CDH12: variants seen among roughly 807,000 people sequenced by gnomAD.
CDH12 encodes the protein cadherin 12.
CDH12 carries 41 observed loss-of-function variants against 74.1 expected under a neutral mutation model. The ratio of observed to expected loss-of-function variants is 0.55; its 90% CI spans 0.43 to 0.72. CDH12 has a LOEUF of 0.72. Ranked by LOEUF, CDH12 falls within the 30% of genes least tolerant of loss-of-function variation. The pLI, the probability that CDH12 is intolerant of heterozygous loss-of-function variation, is 0.00. For missense variants in CDH12, 945 were observed against 977.2 expected, an observed-to-expected ratio of 0.97 and a Z score of 0.44; for synonymous variants, 399 against 355.0, an observed-to-expected ratio of 1.12 and a Z score of -1.39.
At chr5:22,021,657 T>C (rs1171362886) in intron 5 of CDH12, among the ~76,000 whole-genome samples, 5 of 152,228 alleles carry the variant, frequency 3.3e-5, no homozygotes, top group African/African-American at 9.6e-5. Context: ...TTAAATACTT[T>C]ATTATAAAAT....
At chr5:22,406,105 C>T (rs926156198) in intron 2 of CDH12, among the ~76,000 whole-genome samples, 2 of 152,098 alleles carry the variant, frequency 1.3e-5, no homozygotes, top group African/African-American at 4.8e-5. Context: ...GGTACAGAAT[C>T]CACAGATACA....
chr5:22,189,191 T>C (rs1172696421), intron 4 of CDH12, among the ~76,000 whole-genome samples: 1 of 152,164 alleles, frequency 6.6e-6, no homozygotes, highest in Non-Finnish European at 1.5e-5. Context: ...TGTGGATTAA[T>C]AAAAACTTGA....
intron 1 of CDH12, among the ~76,000 whole-genome samples, chr5:22,562,657 A>G (rs1739108045): frequency 6.6e-6 from 1 of 151,898 alleles, no homozygotes; most frequent in African/African-American, 2.4e-5. Flanking sequence ...TACTTTATCA[A>G]CAGAAGGAAG....
At chr5:22,752,831 C>G (rs1468237346) in intron 1 of CDH12, among the ~76,000 whole-genome samples, 1 of 151,742 alleles carries the variant, frequency 6.6e-6, no homozygotes, top group Non-Finnish European at 1.5e-5. Context: ...GCCTCGGCCT[C>G]CCAAAGTGCT....
At chr5:22,134,083 T>TTTTG (rs1401966186) in intron 4 of CDH12, among the ~76,000 whole-genome samples, 3 of 152,088 alleles carry the variant, frequency 2.0e-5, no homozygotes, top group African/African-American at 7.2e-5. Context: ...TCAGATAATA[T>TTTTG]TTTGTTTCAT....
At chr5:22,489,412 G>A (rs1746763683) in intron 2 of CDH12, among the ~76,000 whole-genome samples, 1 of 151,688 alleles carries the variant, frequency 6.6e-6, no homozygotes, top group African/African-American at 2.4e-5. Context: ...ACACCAACCT[G>A]TAAATCTTAA....
At chr5:22,838,120 C>T (rs1736914751) in intron 1 of CDH12, among the ~76,000 whole-genome samples, 1 of 152,120 alleles carries the variant, frequency 6.6e-6, no homozygotes, top group African/African-American at 2.4e-5. Context: ...CCTTGCTTTG[C>T]CATTTTCTTC....
chr5:22,136,066 A>G (rs1746444075), intron 4 of CDH12, among the ~76,000 whole-genome samples: 1 of 152,066 alleles, frequency 6.6e-6, no homozygotes, highest in Non-Finnish European at 1.5e-5. Context: ...CCTGAAGAAG[A>G]AAGTAGCAAA....
intron 9 of CDH12, among the ~76,000 whole-genome samples, chr5:21,805,274 T>C (rs528527424): frequency 6.6e-6 from 1 of 152,294 alleles, no homozygotes; most frequent in African/African-American, 2.4e-5. Flanking sequence ...TAATTTTTTT[T>C]CCCTACTTGA....
At chr5:22,722,410 C>G (rs369417569) in intron 1 of CDH12, among the ~76,000 whole-genome samples, 4 of 152,160 alleles carry the variant, frequency 2.6e-5, no homozygotes, top group African/African-American at 9.7e-5. Context: ...CTATATGGAG[C>G]AGGGACTTAA....
chr5:21,777,095 A>G (rs193132245), intron 11 of CDH12, among the ~76,000 whole-genome samples: 1 of 152,338 alleles, frequency 6.6e-6, no homozygotes, highest in African/African-American at 2.4e-5. Flanking sequence ...TTAATTAAAC[A>G]TAAAGTTATT....
chr5:22,763,977 C>A (rs1748722299), intron 1 of CDH12, among the ~76,000 whole-genome samples: 1 of 151,760 alleles, frequency 6.6e-6, no homozygotes, highest in Admixed American at 6.6e-5. Context: ...CTCTCTTTGG[C>A]TTACAAAATT....
chr5:22,317,895 A>T (rs912490783), intron 3 of CDH12, among the ~76,000 whole-genome samples: 2 of 152,216 alleles, frequency 1.3e-5, no homozygotes, highest in East Asian at 3.8e-4. Context: ...TTCACTTGCA[A>T]TCTGTATTTT....
At chr5:21,848,309 A>T (rs1475372361) in intron 7 of CDH12, among the ~76,000 whole-genome samples, 1 of 152,080 alleles carries the variant, frequency 6.6e-6, no homozygotes, top group Admixed American at 6.6e-5. Flanking sequence ...TGGAGGAAAC[A>T]TTAAAAACAG....
At chr5:22,113,771 A>G (rs1334784211) in intron 4 of CDH12, among the ~76,000 whole-genome samples, 1 of 152,166 alleles carries the variant, frequency 6.6e-6, no homozygotes, top group Non-Finnish European at 1.5e-5. Flanking sequence ...ATTCTAATAA[A>G]TATCAAAATA....
intron 3 of CDH12, among the ~76,000 whole-genome samples, chr5:22,264,204 T>A (rs1304260127): frequency 6.6e-6 from 1 of 151,508 alleles, no homozygotes; most frequent in Non-Finnish European, 1.5e-5. Flanking sequence ...TTGATTGTGG[T>A]TTTTTTTACT....
chr5:21,930,869 CA>C (rs1335961061), intron 6 of CDH12, among the ~76,000 whole-genome samples: 14 of 152,102 alleles, frequency 9.2e-5, no homozygotes, highest in African/African-American at 3.4e-4. Context: ...ATTTTTATTA[CA>C]AAAATACCTC....
chr5:21,778,929 C>A (rs1198396982), intron 11 of CDH12, among the ~76,000 whole-genome samples: 3 of 151,938 alleles, frequency 2.0e-5, no homozygotes, highest in Admixed American at 2.0e-4. Context: ...CATAAAATAG[C>A]TATATAGAAG....
At chr5:22,762,590 A>G (rs713376) in intron 1 of CDH12, among the ~76,000 whole-genome samples, 4 of 152,038 alleles carry the variant, frequency 2.6e-5, no homozygotes, top group Non-Finnish European at 5.9e-5. Flanking sequence ...GATCAGACCA[A>G]TTGAATCCAC....
Sources: gnomAD v4.1 joint callset for allele counts (sites outside exome capture counted in the v4.1 genomes callset) on GRCh38, gnomAD v4.1.1 for gene constraint, MANE v1.5 for transcripts, NCBI Gene and HGNC (gene_info 2026-07-23, HGNC 2026-07-21) for gene names.